Variants in CAMK2G observed in about 807,000 individuals in gnomAD.
CAMK2G encodes calcium/calmodulin-dependent protein kinase type II subunit gamma.
A neutral mutation model predicts 88.7 loss-of-function variants in CAMK2G; 23 were observed. The ratio of observed to expected loss-of-function variants is 0.26; its 90% CI spans 0.19 to 0.37. The LOEUF (loss-of-function observed/expected upper bound fraction) is 0.37, where lower values mean the gene tolerates loss of function less well. Among genes scored for constraint, CAMK2G ranks in the 10% least tolerant of loss-of-function variants. The probability of loss-of-function intolerance (pLI) is 1.00; values close to 1 mark genes in which losing one functional copy is unlikely to be tolerated. For synonymous variants in CAMK2G, 263 were observed against 294.8 expected (o/e 0.89, Z 1.11); for missense variants, 476 against 780.8 (o/e 0.61, Z 4.65).
At chr10:73,818,918 C>G (rs1487367847) in intron 19 of CAMK2G, 1 of 434,308 alleles carries the variant, frequency 2.3e-6, no homozygotes, top group South Asian at 1.6e-5. Context: ...GGATGAGCTA[C>G]TGATAACCCA....
At chr10:73,816,676 G>C (rs1201382949) in intron 21 of CAMK2G, 1 of 936,236 alleles carries the variant, frequency 1.1e-6, no homozygotes. Context: ...AGCCAGGATG[G>C]CCTCGATCTC....
At chr10:73,843,266 TTGGCCAGGC>T (rs1374343809) in intron 10 of CAMK2G, among the ~76,000 whole-genome samples, 4 of 152,158 alleles carry the variant, frequency 2.6e-5, no homozygotes, top group African/African-American at 9.7e-5. Context: ...GTTGGCCATG[TTGGCCAGGC>T]TGGTGGTCTC....
chr10:73,845,784 C>G (rs1200020937), intron 10 of CAMK2G, among the ~76,000 whole-genome samples: 1 of 152,044 alleles, frequency 6.6e-6, no homozygotes, highest in Non-Finnish European at 1.5e-5. Context: ...CTGCACATTC[C>G]CCCATCCTTA....
intron 2 of CAMK2G, among the ~76,000 whole-genome samples, chr10:73,867,450 G>A (rs1469256693): frequency 1.3e-5 from 2 of 152,224 alleles, no homozygotes; most frequent in African/African-American, 4.8e-5. Flanking sequence ...CTGTTTTGGT[G>A]ACATTTCCTT....
intron 18 of CAMK2G, among the ~76,000 whole-genome samples, chr10:73,820,055 A>G (rs1465216478): frequency 1.3e-5 from 2 of 152,078 alleles, no homozygotes; most frequent in African/African-American, 2.4e-5. Context: ...AGCTACTATG[A>G]TTCACTTCCT....
rs544782241 is a variant in CAMK2G at position 73,869,855 on chromosome 10, G to GT, written c.160+3133dup. On this transcript the variant is annotated intron_variant, in intron 2 of 22. Transcript: ENST00000423381. ...TAGTAAGGCCAAGGGCATTACCCCA[G>GT]TATCTATCTTGGTAAAAGCAACTGG... Among the ~76,000 whole-genome samples the GT allele has an allele frequency of 8.0e-4, 122 of 152,320 alleles. 2 individuals are homozygous for GT. The highest frequency in any genetic ancestry group is 2.7e-3 in the African/African-American group (112 of 41,570).
At chr10:73,837,623 T>C in intron 13 of CAMK2G, 112 bp from the exon 14 acceptor site, 1 of 880,716 alleles carries the variant, frequency 1.1e-6, no homozygotes, top group Non-Finnish European at 2.0e-6. Context: ...GGGCCAAGGG[T>C]CTCCCGAAAC....
intron 13 of CAMK2G, among the ~76,000 whole-genome samples, chr10:73,838,316 T>C (rs867808885): frequency 2.0e-5 from 3 of 152,194 alleles, no homozygotes; most frequent in Middle Eastern, 3.2e-3. Flanking sequence ...AACTGTCTGA[T>C]ACACCTGGAC....
At position 73,874,444 on chromosome 10, in the gene CAMK2G, G is replaced by A. The variant is rs754618317; in HGVS notation, c.18C>T (p.Thr6=). The A allele has an allele frequency of 1.3e-5, 20 of 1,522,326 alleles. No homozygotes were observed. Among genetic ancestry groups the A allele is most frequent in the Non-Finnish European group, 1.8e-5 (20 of 1,126,300 alleles). The allele number at this position is 1,522,326 out of a possible 1,614,324, so 94.3% of individuals were successfully genotyped here. A position where few individuals can be genotyped will look rare whatever the true frequency, so the allele number is the denominator to read the frequency against. MATTA[T]CTRFTDDYQL... is the part of the protein sequence containing the mutation. The stretch of plus-strand genomic sequence containing the variant: ...GGTAGTCGTCGGTGAAACGGGTGCA[G>A]GTGGCGGTGGTGGCCATGCTGGCGG... The change falls in exon 1 of 23, where the codon ACC becomes ACT. Residue 6 remains threonine, a synonymous_variant. Transcript: ENST00000423381.
intron 3 of CAMK2G, among the ~76,000 whole-genome samples, chr10:73,859,748 G>C (rs1297440003): frequency 1.3e-5 from 2 of 152,220 alleles, no homozygotes; most frequent in African/African-American, 4.8e-5. Flanking sequence ...CTGACGTTCT[G>C]ACTACCTCAG....
intron 3 of CAMK2G, among the ~76,000 whole-genome samples, chr10:73,854,554 C>G (rs1434510393): frequency 6.6e-6 from 1 of 152,170 alleles, no homozygotes; most frequent in Non-Finnish European, 1.5e-5. Flanking sequence ...ACAGGTGCAC[C>G]TCATGGAGCA....
chr10:73,853,702 G>C (rs1465513918), intron 3 of CAMK2G, among the ~76,000 whole-genome samples: 3 of 152,238 alleles, frequency 2.0e-5, no homozygotes, highest in Admixed American at 2.0e-4. Flanking sequence ...AAGGTGGAAA[G>C]GCAGAGCTCA....
intron 2 of CAMK2G, 113 bp downstream of exon 2, chr10:73,872,876 C>G (rs528815852): frequency 1.3e-6 from 1 of 777,108 alleles, no homozygotes; most frequent in African/African-American, 1.7e-5. Flanking sequence ...TCTGAAATTC[C>G]AACTCCTCTC....
intron 3 of CAMK2G, among the ~76,000 whole-genome samples, chr10:73,853,517 C>G (rs570208282): frequency 6.6e-6 from 1 of 152,322 alleles, no homozygotes; most frequent in East Asian, 1.9e-4. Context: ...AAAGCCGGAA[C>G]CTTCCCAGAG....
intron 15 of CAMK2G, among the ~76,000 whole-genome samples, chr10:73,827,411 C>T (rs1288351810): frequency 6.6e-6 from 1 of 152,180 alleles, no homozygotes; most frequent in Non-Finnish European, 1.5e-5. Flanking sequence ...GATCTCCTGA[C>T]CTTGTGATCC....
In CAMK2G at chr10:73,857,972, C is replaced by T. The variant is rs561446752; in HGVS notation, c.220+2858G>A. Among the ~76,000 whole-genome samples the T allele has an allele frequency of 3.9e-5, 6 of 152,316 alleles. No homozygotes were observed. The South Asian group carries it at 1.2e-3, about 32-fold the overall frequency. On this transcript the variant is annotated intron_variant, in intron 3 of 22. Transcript: ENST00000423381. ...AAATACCCGAGAACATTCCCAAATA[C>T]CCCACGTCCCCCACATGCACAGTCT...
chr10:73,855,731 C>T (rs1015039824), intron 3 of CAMK2G, among the ~76,000 whole-genome samples: 1 of 152,236 alleles, frequency 6.6e-6, no homozygotes, highest in Non-Finnish European at 1.5e-5. Context: ...GAAGACTAAT[C>T]CTTCTAGGCC....
At chr10:73,869,091 G>A (rs543515920) in intron 2 of CAMK2G, among the ~76,000 whole-genome samples, 1 of 152,372 alleles carries the variant, frequency 6.6e-6, no homozygotes, top group Non-Finnish European at 1.5e-5. Flanking sequence ...AAGAGCAACT[G>A]TTGTTGCAGA....
intron 15 of CAMK2G, 50 bp from the exon 16 acceptor site, chr10:73,825,397 C>T (rs1273672871): frequency 6.8e-7 from 1 of 1,469,198 alleles, no homozygotes; most frequent in East Asian, 2.3e-5. Flanking sequence ...CCCAAGGCCA[C>T]TCAGGTTCAA....
Sources: allele counts gnomAD v4.1 joint callset (sites outside exome capture counted in the v4.1 genomes callset), GRCh38; gene constraint gnomAD v4.1.1; transcripts MANE v1.5; gene names NCBI Gene and HGNC (gene_info 2026-07-23, HGNC 2026-07-21).